The following AXDND1 variants were observed in gnomAD, a reference collection of about 807,000 sequenced individuals.
AXDND1 encodes the protein axonemal dynein light chain domain-containing protein 1.
In AXDND1, 110 loss-of-function variants were observed where a neutral mutation model predicts 137.5. The observed-to-expected ratio is 0.80, with a 90% CI of 0.69 to 0.94. The LOEUF is 0.94. AXDND1 is among the 40% of genes least tolerant of loss of function. The pLI, the probability that AXDND1 is intolerant of heterozygous loss-of-function variation, is 0.00. For synonymous variants in AXDND1, 414 were observed against 399.7 expected (o/e 1.04, Z -0.43); for missense variants, 1,191 against 1,169.8 (o/e 1.02, Z -0.26).
At position 179,411,326 on chromosome 1, in the gene AXDND1, T is replaced by C. The variant is rs552489739; in HGVS notation, c.1230+60T>C. ...TTTTGGCTAAAGATTCATTCTACAG[T>C]TTTAAAATTTGTTTTTTTTGTTTTG... is the stretch of plus-strand genomic sequence containing the variant. On this transcript the variant is annotated intron_variant, in intron 12 of 25. Transcript: ENST00000367618. The C allele has an allele frequency of 2.7e-4, 411 of 1,529,078 alleles. 1 individual carries two copies. The African/African-American group carries it at 6.0e-3, about 22-fold the overall frequency. The allele number at this position is 1,529,078 out of a possible 1,614,324, so 94.7% of individuals were successfully genotyped here. A position where few individuals can be genotyped will look rare whatever the true frequency, so the allele number is the denominator to read the frequency against.
chr1:179,551,334 A>C (rs749109258), intron 25 of AXDND1: 1 of 1,614,152 alleles, frequency 6.2e-7, no homozygotes, highest in Non-Finnish European at 8.5e-7. Flanking sequence ...TTCTCTGTGG[A>C]CAGAGACTGA....
intron 16 of AXDND1, among the ~76,000 whole-genome samples, chr1:179,446,503 CTG>C (rs2125374295): frequency 6.6e-6 from 1 of 152,354 alleles, no homozygotes; most frequent in African/African-American, 2.4e-5. Flanking sequence ...CCTTGGTACA[CTG>C]TGTCTACAGA....
At chr1:179,552,047 C>T (rs1043495345) in intron 25 of AXDND1, 3 of 168,606 alleles carry the variant, frequency 1.8e-5, no homozygotes, top group African/African-American at 7.2e-5. Flanking sequence ...TGCCTCCCTT[C>T]ATTCTTCACT....
chr1:179,482,022 A>C (rs1243054554), intron 17 of AXDND1, among the ~76,000 whole-genome samples: 1 of 149,186 alleles, frequency 6.7e-6, no homozygotes. Context: ...TCTTTAAAGC[A>C]CCCTTAGGTT....
At chr1:179,401,339 C>G (rs1242987338) in intron 11 of AXDND1, among the ~76,000 whole-genome samples, 9 of 151,014 alleles carry the variant, frequency 6.0e-5, no homozygotes, top group Admixed American at 3.3e-4. Flanking sequence ...TAAAATTTTA[C>G]CAAGTTTTTC....
intron 12 of AXDND1, among the ~76,000 whole-genome samples, chr1:179,417,264 A>G (rs542962249): frequency 6.6e-5 from 10 of 151,108 alleles, no homozygotes; most frequent in African/African-American, 2.2e-4. Flanking sequence ...TCAGATAGAT[A>G]GTTTGCAAAT....
intron 20 of AXDND1, chr1:179,506,993 C>T: frequency 8.1e-6 from 6 of 744,596 alleles, no homozygotes; most frequent in Non-Finnish European, 9.8e-6. Context: ...TTAATAGCTC[C>T]ATTTATAGCC....
intron 15 of AXDND1, among the ~76,000 whole-genome samples, chr1:179,433,244 T>C (rs940964589): frequency 6.6e-5 from 10 of 152,194 alleles, no homozygotes; most frequent in Admixed American, 4.6e-4. Flanking sequence ...TTATTGTGTC[T>C]ATTCGATTCT....
chr1:179,472,355 G>A (rs1328541890), intron 17 of AXDND1, among the ~76,000 whole-genome samples: 2 of 152,124 alleles, frequency 1.3e-5, no homozygotes, highest in African/African-American at 4.8e-5. Context: ...CCATTGTAGT[G>A]TGAGTATATA....
At chr1:179,483,261 C>T (rs375950152) in intron 18 of AXDND1, 40 bp downstream of exon 18, 231 of 1,434,894 alleles carry the variant, frequency 1.6e-4, no homozygotes, top group Non-Finnish European at 2.0e-4. Context: ...TATTTTGCCT[C>T]GGCTGGCAAA....
At chr1:179,493,416 G>C (rs1667133291) in intron 20 of AXDND1, among the ~76,000 whole-genome samples, 1 of 152,054 alleles carries the variant, frequency 6.6e-6, no homozygotes, top group African/African-American at 2.4e-5. Context: ...TTATGCATTT[G>C]AATTGTTTCC....
chr1:179,492,711 T>C (rs1667054317), intron 19 of AXDND1, 144 bp from the exon 20 acceptor site: 1 of 544,362 alleles, frequency 1.8e-6, no homozygotes, highest in Non-Finnish European at 3.2e-6. Flanking sequence ...CCTTGGTGAG[T>C]CAGTAGCTGA....
intron 12 of AXDND1, among the ~76,000 whole-genome samples, chr1:179,425,756 C>T (rs1032073049): frequency 1.3e-5 from 2 of 151,726 alleles, no homozygotes; most frequent in African/African-American, 4.8e-5. Flanking sequence ...CACCACTGCA[C>T]TCCAGTGTGG....
In AXDND1 at chr1:179,521,938, G is replaced by A. The variant is rs536996727; in HGVS notation, c.2497-3396G>A. Among the ~76,000 whole-genome samples, 47 of 151,900 alleles carry A rather than the reference G, an allele frequency of 3.1e-4. 2 individuals carry two copies. The highest frequency in any genetic ancestry group is 4.0e-4 in the Non-Finnish European group (27 of 67,916). ...ATCTCTTCTCTCTATTTTTAAGGTC[G>A]TCTTTTTGTCTTTGCTCTGATTAAT... On this transcript the variant is annotated intron_variant, in intron 21 of 25. Transcript: ENST00000367618.
chr1:179,369,163 G>A (rs899348361), intron 3 of AXDND1, among the ~76,000 whole-genome samples, 191 bp downstream of exon 3: 4 of 152,092 alleles, frequency 2.6e-5, no homozygotes, highest in Admixed American at 2.0e-4. Context: ...CTGCAGCCTC[G>A]ACTACCCTGG....
intron 18 of AXDND1, among the ~76,000 whole-genome samples, chr1:179,484,805 T>TC (rs1665835153): frequency 6.6e-6 from 1 of 152,130 alleles, no homozygotes. Flanking sequence ...TGCATCACAC[T>TC]CCCCACCCCA....
At chr1:179,508,780 T>G (rs1280266026) in intron 20 of AXDND1, among the ~76,000 whole-genome samples, 1 of 152,132 alleles carries the variant, frequency 6.6e-6, no homozygotes, top group African/African-American at 2.4e-5. Context: ...TTAACTATTT[T>G]TGTGACCTTG....
intron 17 of AXDND1, among the ~76,000 whole-genome samples, chr1:179,479,832 C>G (rs1665138123): frequency 6.6e-6 from 1 of 152,168 alleles, no homozygotes; most frequent in Admixed American, 6.5e-5. Flanking sequence ...TAAATAATCT[C>G]TCTCAAGCTC....
intron 18 of AXDND1, among the ~76,000 whole-genome samples, chr1:179,486,096 G>A (rs112659579): frequency 0.14 from 16,738 of 120,486 alleles, 1,131 homozygotes; most frequent in East Asian, 0.38. Context: ...TCCAGCCTGG[G>A]CAACAGGAGC....
Sources: allele counts gnomAD v4.1 joint callset (sites outside exome capture counted in the v4.1 genomes callset), GRCh38; gene constraint gnomAD v4.1.1; transcripts MANE v1.5; gene names NCBI Gene and HGNC (gene_info 2026-07-23, HGNC 2026-07-21).